ATAD3B: variants seen among roughly 807,000 people sequenced by gnomAD.
ATAD3B encodes the protein ATPase family AAA domain-containing protein 3B.
In ATAD3B, 59 loss-of-function variants were observed where a neutral mutation model predicts 70.2. That is an observed-to-expected ratio of 0.84 (90% CI 0.68 to 1.04). The LOEUF is 1.04. Among genes scored for constraint, ATAD3B ranks in the 50% least tolerant of loss-of-function variants. The probability of loss-of-function intolerance (pLI) is 0.00; values close to 1 mark genes in which losing one functional copy is unlikely to be tolerated. For synonymous variants in ATAD3B, 423 were observed against 388.6 expected (o/e 1.09, Z -1.04); for missense variants, 961 against 913.4 (o/e 1.05, Z -0.67).
rs778227786 is a variant in ATAD3B, at chr1:1,490,334, A to G, written c.1415A>G (p.His472Arg). 1.2e-5 allele frequency: 20 copies of G among 1,613,136 alleles called. 1 individual carries two copies. Among genetic ancestry groups the G allele is most frequent in the Admixed American group, 1.0e-4 (6 of 59,984 alleles). The change falls in exon 14 of 16, where the codon CAC (histidine) becomes CGC (arginine). Residue 472 changes from histidine (H) to arginine (R), a missense_variant. Physicochemically the swap from His to Arg is conservative, Grantham distance 29. Around this residue, in one of 4 missense-constraint regions of ATAD3B, gnomAD observed 417 missense variants for 335.0 expected, o/e 1.24. Coordinates refer to ENST00000673477, the MANE Select transcript of ATAD3B (RefSeq NM_031921.6). ...AINSRIDVMV[H>R]FDLPQQEERE... ...AACAGCCGCATTGACGTGATGGTCCACTTCGACCTGCCGCAGCAGGAGGAG... is the reference window on the plus strand; with the variant it reads ...AACAGCCGCATTGACGTGATGGTCCGCTTCGACCTGCCGCAGCAGGAGGAG...
chr1:1,486,168 A>C lies in ATAD3B; in HGVS notation c.1022A>C (p.Asn341Thr), dbSNP rs747237476. Residue 341 changes from asparagine (N) to threonine (T), a missense_variant, in exon 10 of 16, where the codon AAC becomes ACC. Around this residue, in one of 4 missense-constraint regions of ATAD3B, gnomAD observed 349 missense variants for 307.5 expected, o/e 1.14. Coordinates refer to ENST00000673477, the MANE Select transcript of ATAD3B (RefSeq NM_031921.6). ...ATAGCAACCAGGAACACCAAGAAGA[A>C]CCGGGGCCTGTACAGGCACATCCTG... ...IAIATRNTKK[N>T]RGLYRHILLY... The C allele has an allele frequency of 6.2e-7, 1 of 1,613,156 alleles. No homozygotes were observed.
the ATAD3B span, among the ~76,000 whole-genome samples, chr1:1,507,009 G>A: frequency 5.9e-5 from 9 of 151,810 alleles, no homozygotes; most frequent in Non-Finnish European, 1.2e-4. Context: ...GGATGGTCTC[G>A]ATCCCCTGAC....
the ATAD3B span, among the ~76,000 whole-genome samples, chr1:1,505,853 G>T: frequency 2.6e-5 from 4 of 152,166 alleles, no homozygotes; most frequent in South Asian, 8.3e-4. Flanking sequence ...TCATATCTAA[G>T]ATCTATATCT....
the ATAD3B span, among the ~76,000 whole-genome samples, chr1:1,508,947 C>T: frequency 0.079 from 11,957 of 151,204 alleles, 723 homozygotes; most frequent in East Asian, 0.29. Context: ...AGTGAGGCTC[C>T]GCCTTGGGCT....
chr1:1,504,522 C>T, the ATAD3B span, among the ~76,000 whole-genome samples: 3 of 151,892 alleles, frequency 2.0e-5, no homozygotes, highest in African/African-American at 4.8e-5. Context: ...TGGTGGCGGG[C>T]GCCTGTAATC....
chr1:1,472,751 G>A (rs906000022), intron 1 of ATAD3B, among the ~76,000 whole-genome samples: 2 of 152,144 alleles, frequency 1.3e-5, no homozygotes, highest in East Asian at 3.9e-4. Flanking sequence ...CAGTTCAAAT[G>A]GCTAGGAGTC....
rs752938181 is a variant in ATAD3B at position 1,482,562 on chromosome 1, T to C, written c.698T>C (p.Phe233Ser). The C allele has an allele frequency of 1.2e-6, 2 of 1,613,326 alleles. No homozygotes were observed. Among genetic ancestry groups the C allele is most frequent in the South Asian group, 2.2e-5 (2 of 90,974 alleles). ...LESIRTAGTL[F>S]GEGFRAFVTD... Reference sequence around the variant, plus strand: ...CCCCGCAGGACGGCTGGCACCTTGTTTGGGGAAGGATTCCGTGCCTTTGTG... The same window carrying C: ...CCCCGCAGGACGGCTGGCACCTTGTCTGGGGAAGGATTCCGTGCCTTTGTG... Residue 233 changes from phenylalanine to serine, a missense_variant, in exon 7 of 16, where the codon TTT becomes TCT. By Grantham distance (155) the Phe-to-Ser change is radical. This residue lies in a region of ATAD3B where 349 missense variants were observed against 307.5 expected (regional missense o/e 1.14). Coordinates refer to ENST00000673477, the MANE Select transcript of ATAD3B (RefSeq NM_031921.6).
At chr1:1,480,222 G>C (rs1308675854) in intron 4 of ATAD3B, among the ~76,000 whole-genome samples, 2 of 113,732 alleles carry the variant, frequency 1.8e-5, no homozygotes, top group African/African-American at 3.7e-5. Context: ...GCACCCATGG[G>C]CACACACACA....
chr1:1,496,375 A>G lies in ATAD3B; in HGVS notation c.*558A>G, dbSNP rs1012091236. ...GCGCCACATCCGAGTTGGGGTCTGAATGCTGCCCGGGACTGCCGCCTGCGC... is the reference window on the plus strand; with the variant it reads ...GCGCCACATCCGAGTTGGGGTCTGAGTGCTGCCCGGGACTGCCGCCTGCGC... On this transcript the variant is annotated 3_prime_UTR_variant, in exon 16 of 16. Coordinates refer to ENST00000673477, the MANE Select transcript of ATAD3B (RefSeq NM_031921.6). 2 of 525,708 alleles carry G rather than the reference A, an allele frequency of 3.8e-6. No homozygotes were observed. The highest frequency in any genetic ancestry group is 2.1e-5 in the African/African-American group (1 of 48,364). 32.6% of individuals were successfully genotyped at this position (525,708 alleles called of 1,614,324 possible).
chr1:1,475,136 C>T (rs546506779), intron 1 of ATAD3B, among the ~76,000 whole-genome samples: 7 of 148,932 alleles, frequency 4.7e-5, no homozygotes, highest in Non-Finnish European at 1.0e-4. Context: ...ACCCGCAGTC[C>T]GCTCTGCCGG....
In ATAD3B at chr1:1,495,628, C is replaced by G. The variant is rs757570983; in HGVS notation, c.1758C>G (p.Ser586=). 8 of 1,612,948 alleles carry G rather than the reference C, an allele frequency of 5.0e-6. No homozygotes were observed. The African/African-American group carries it at 5.3e-5, about 11-fold the overall frequency. The change falls in exon 16 of 16, where the codon TCC becomes TCG. Residue 586 remains serine (S), a synonymous_variant. Coordinates refer to ENST00000673477, the MANE Select transcript of ATAD3B (RefSeq NM_031921.6). ...GPGRGVEHPL[S]GVQGETLTSW... Reference sequence around the variant, plus strand: ...GGCGCGGGGTCGAGCACCCCCTATCCGGAGTCCAAGGCGAGACCCTCACCT... The same window carrying G: ...GGCGCGGGGTCGAGCACCCCCTATCGGGAGTCCAAGGCGAGACCCTCACCT...
At chr1:1,502,664 G>C (rs984441637), downstream of ATAD3B, among the ~76,000 whole-genome samples, 2 of 150,794 alleles carry the variant, frequency 1.3e-5, no homozygotes, top group African/African-American at 4.9e-5. Context: ...GGCACAGGCC[G>C]ACATGCCCGG....
chr1:1,482,935 G>A (rs534569435), intron 7 of ATAD3B: 10 of 502,596 alleles, frequency 2.0e-5, no homozygotes, highest in Non-Finnish European at 3.5e-5. Context: ...CAGGAGGTTT[G>A]GGCTGCAGTG....
chr1:1,479,717 C>T (rs1190819797), intron 4 of ATAD3B, among the ~76,000 whole-genome samples: 1 of 143,888 alleles, frequency 6.9e-6, no homozygotes, highest in Non-Finnish European at 1.5e-5. Flanking sequence ...CATGCACGCA[C>T]CTCCCACACA....
chr1:1,489,585 C>T, intron 13 of ATAD3B: 2 of 1,141,478 alleles, frequency 1.8e-6, no homozygotes, highest in South Asian at 1.4e-5. Context: ...GGTCTGATTG[C>T]TGCCGCCCAG....
At chr1:1,492,910 T>G (rs1198852786) in intron 15 of ATAD3B, among the ~76,000 whole-genome samples, 4 of 146,800 alleles carry the variant, frequency 2.7e-5, no homozygotes, top group African/African-American at 7.7e-5. Flanking sequence ...CTGCACTCCA[T>G]CCTGGGTGTC....
chr1:1,491,015 G>A (rs992718086), intron 15 of ATAD3B, among the ~76,000 whole-genome samples: 25 of 151,988 alleles, frequency 1.6e-4, no homozygotes, highest in African/African-American at 5.1e-4. Flanking sequence ...GGGAATGGTC[G>A]TCAGGACAGG....
chr1:1,502,550 C>A (rs553812155), downstream of ATAD3B, among the ~76,000 whole-genome samples: 161 of 115,312 alleles, frequency 1.4e-3, no homozygotes, highest in African/African-American at 5.4e-3. Flanking sequence ...CATGCTCTGT[C>A]GCTGAGGCTG....
intron 15 of ATAD3B, among the ~76,000 whole-genome samples, chr1:1,492,807 C>T (rs1296172899): frequency 6.6e-6 from 1 of 150,624 alleles, no homozygotes; most frequent in African/African-American, 2.4e-5. Context: ...GGCGTGGTGG[C>T]TGGCGCCTGT....
Sources: gnomAD v4.1 joint callset for allele counts (sites outside exome capture counted in the v4.1 genomes callset) on GRCh38, gnomAD v4.1.1 for gene constraint, gnomAD v4.1.1 regional missense constraint, MANE v1.5 for transcripts, NCBI Gene and HGNC (gene_info 2026-07-23, HGNC 2026-07-21) for gene names.